The following AKAP13 variants were observed in gnomAD, a reference collection of about 807,000 sequenced individuals.
AKAP13 encodes the protein A-kinase anchor protein 13.
In AKAP13, 80 loss-of-function variants were observed where a neutral mutation model predicts 264.5. The observed-to-expected ratio is 0.30, with a 90% CI of 0.25 to 0.36. The LOEUF (loss-of-function observed/expected upper bound fraction) is 0.36. Among genes scored for constraint, AKAP13 ranks in the 10% least tolerant of loss-of-function variants. The pLI is 1.00. For missense variants in AKAP13, 3,712 were observed against 3,435.2 expected, an observed-to-expected ratio of 1.08 and a Z score of -2.01; for synonymous variants, 1,380 against 1,250.2, an observed-to-expected ratio of 1.10 and a Z score of -2.19.
chr15:85,631,511 C>CACACAT (rs2081821883), intron 8 of AKAP13, among the ~76,000 whole-genome samples: 1 of 20,058 alleles, frequency 5.0e-5, no homozygotes, highest in African/African-American at 1.9e-4. Flanking sequence ...CTCACACACA[C>CACACAT]ACACACACAC....
In AKAP13 at chr15:85,380,616, G is replaced by GCGCGGAGCC. The variant is rs1567028769; in HGVS notation, c.-191_-183dup. The GCGCGGAGCC allele has an allele frequency of 7.0e-6, 1 of 141,912 alleles. No homozygotes were observed. Among genetic ancestry groups the GCGCGGAGCC allele is most frequent in the African/African-American group, 2.6e-5 (1 of 39,206 alleles). 8.8% of individuals were successfully genotyped at this position (141,912 alleles called of 1,614,324 possible). On this transcript the variant is annotated 5_prime_UTR_variant, in exon 1 of 37. Coordinates refer to ENST00000394518, the MANE Select transcript of AKAP13 (RefSeq NM_007200.5). ...CGGACTGGAGCTGTGTGCAGGGCCAGCGCGGAGCCCGAGCAGCCGCGGTGA... is the reference window on the plus strand; with the variant it reads ...CGGACTGGAGCTGTGTGCAGGGCCAGCGCGGAGCCCGCGGAGCCCGAGCAGCCGCGGTGA...
At chr15:85,396,851 G>A (rs1163273041) in intron 1 of AKAP13, among the ~76,000 whole-genome samples, 1 of 149,516 alleles carries the variant, frequency 6.7e-6, no homozygotes, top group Non-Finnish European at 1.5e-5. Context: ...AATTAAAGCT[G>A]CACAAATTAC....
chr15:85,600,799 A>T (rs2080026048), intron 8 of AKAP13, among the ~76,000 whole-genome samples: 1 of 147,794 alleles, frequency 6.8e-6, no homozygotes, highest in Non-Finnish European at 1.5e-5. Context: ...GGGAGATAAA[A>T]TTCTTCTGCC....
intron 5 of AKAP13, among the ~76,000 whole-genome samples, chr15:85,557,370 A>C (rs964586191): frequency 1.3e-5 from 2 of 152,160 alleles, no homozygotes; most frequent in African/African-American, 4.8e-5. Flanking sequence ...ATCGTTTTAT[A>C]TTTATTATGT....
intron 14 of AKAP13, among the ~76,000 whole-genome samples, chr15:85,680,907 T>C (rs1369652571): frequency 6.6e-6 from 1 of 152,172 alleles, no homozygotes; most frequent in African/African-American, 2.4e-5. Context: ...AACCTCGACC[T>C]CCTGGGTTCA....
At chr15:85,737,847 C>T (rs1249268012) in intron 33 of AKAP13, among the ~76,000 whole-genome samples, 1 of 152,020 alleles carries the variant, frequency 6.6e-6, no homozygotes, top group Non-Finnish European at 1.5e-5. Flanking sequence ...CCATGTTGCC[C>T]AGGCTGGTCT....
chr15:85,657,375 T>G (rs947760764), intron 11 of AKAP13, among the ~76,000 whole-genome samples: 3 of 152,192 alleles, frequency 2.0e-5, no homozygotes, highest in Non-Finnish European at 1.5e-5. Flanking sequence ...GAGCTCACAG[T>G]AATACCTTCT....
chr15:85,736,974 G>A (rs142501542), intron 33 of AKAP13, among the ~76,000 whole-genome samples: 73 of 137,204 alleles, frequency 5.3e-4, no homozygotes, highest in African/African-American at 1.3e-3. Context: ...GCTGGAGTAC[G>A]GTGGTGCGAT....
chr15:85,655,928 C>T (rs1273902521), intron 11 of AKAP13, 141 bp downstream of exon 11: 1 of 1,345,538 alleles, frequency 7.4e-7, no homozygotes, highest in African/African-American at 1.5e-5. Flanking sequence ...TCAGGAAAAT[C>T]TGTGTTCAGA....
chr15:85,571,695 C>G (rs749239415), intron 5 of AKAP13, among the ~76,000 whole-genome samples: 5 of 152,188 alleles, frequency 3.3e-5, no homozygotes, highest in Non-Finnish European at 7.3e-5. Flanking sequence ...CTCCCTTGTT[C>G]GACAGAACAG....
intron 1 of AKAP13, among the ~76,000 whole-genome samples, chr15:85,439,760 A>T (rs1162016254): frequency 7.1e-6 from 1 of 141,062 alleles, no homozygotes; most frequent in Non-Finnish European, 1.5e-5. Context: ...CATAGGTGGG[A>T]ATTGAACAGT....
At chr15:85,449,663 GTATC>G (rs2074016114) in intron 1 of AKAP13, among the ~76,000 whole-genome samples, 1 of 152,220 alleles carries the variant, frequency 6.6e-6, no homozygotes, top group African/African-American at 2.4e-5. Flanking sequence ...AGCCTTTTCT[GTATC>G]TATTGAGATA....
chr15:85,477,747 T>TGAA (rs2075220473), intron 1 of AKAP13, among the ~76,000 whole-genome samples: 1 of 151,900 alleles, frequency 6.6e-6, no homozygotes, highest in African/African-American at 2.4e-5. Context: ...TTCCCTTGTA[T>TGAA]AATGGCTGAG....
chr15:85,683,494 C>G (rs1239564957), intron 15 of AKAP13: 1 of 152,258 alleles, frequency 6.6e-6, no homozygotes, highest in Non-Finnish European at 1.5e-5. Context: ...GAGACAGAGT[C>G]CCACTGTGTC....
intron 1 of AKAP13, among the ~76,000 whole-genome samples, chr15:85,394,756 T>G (rs2071033430): frequency 6.6e-6 from 1 of 152,190 alleles, no homozygotes; most frequent in African/African-American, 2.4e-5. Flanking sequence ...TACTGCTCTT[T>G]TGCCTTTGAG....
chr15:85,532,268 C>T (rs2077265680), intron 3 of AKAP13, among the ~76,000 whole-genome samples: 1 of 152,316 alleles, frequency 6.6e-6, no homozygotes, highest in Admixed American at 6.5e-5. Flanking sequence ...GGAAAATTAA[C>T]TTACTTATTA....
intron 13 of AKAP13, among the ~76,000 whole-genome samples, chr15:85,669,177 G>A (rs2083774608): frequency 6.6e-6 from 1 of 152,172 alleles, no homozygotes; most frequent in Non-Finnish European, 1.5e-5. Context: ...AGAGGTTGCA[G>A]TAAGTAAACC....
intron 1 of AKAP13, among the ~76,000 whole-genome samples, chr15:85,383,950 T>C (rs2070422772): frequency 6.6e-6 from 1 of 152,218 alleles, no homozygotes; most frequent in African/African-American, 2.4e-5. Context: ...AAGATAACAC[T>C]TTAAAGGTGA....
At chr15:85,553,628 G>A (rs982575119) in intron 5 of AKAP13, among the ~76,000 whole-genome samples, 16 of 152,068 alleles carry the variant, frequency 1.1e-4, no homozygotes, top group African/African-American at 3.6e-4. Context: ...TGCTTTAACT[G>A]GCCAATAGAA....
Sources: allele counts gnomAD v4.1 joint callset (sites outside exome capture counted in the v4.1 genomes callset), GRCh38; gene constraint gnomAD v4.1.1; transcripts MANE v1.5; gene names NCBI Gene and HGNC (gene_info 2026-07-23, HGNC 2026-07-21).